Variants in SORT1 observed in about 807,000 individuals in gnomAD.
SORT1 encodes the protein sortilin 1, also known as sortilin.
In SORT1, 39 loss-of-function variants were observed where a neutral mutation model predicts 101.7. That is an observed-to-expected ratio of 0.38 (90% confidence interval 0.30 to 0.50). The LOEUF (loss-of-function observed/expected upper bound fraction) is 0.50. Among genes scored for constraint, SORT1 ranks in the 20% least tolerant of loss-of-function variants. SORT1 has a pLI of 0.90. For missense variants in SORT1, 878 were observed against 1,040.4 expected (o/e 0.84, Z 2.15); for synonymous variants, 396 against 393.7 (o/e 1.01, Z -0.07).
intron 15 of SORT1, among the ~76,000 whole-genome samples, chr1:109,321,308 C>A (rs1647608989): frequency 6.6e-6 from 1 of 151,976 alleles, no homozygotes; most frequent in African/African-American, 2.4e-5. Context: ...GTATGAAAGG[C>A]TAAGTGGGAA....
chr1:109,390,782 TGTGTGTGTGTGTGTGTGC>T (rs1652862299), intron 1 of SORT1, among the ~76,000 whole-genome samples: 9 of 138,356 alleles, frequency 6.5e-5, no homozygotes, highest in African/African-American at 1.5e-4. Context: ...TGTGTGTGTG[TGTGTGTGTGTGTGTGTGC>T]GCGCGCGCGT....
chr1:109,376,272 A>G (rs1313676334), intron 1 of SORT1, among the ~76,000 whole-genome samples: 3 of 148,682 alleles, frequency 2.0e-5, no homozygotes, highest in Admixed American at 6.8e-5. Flanking sequence ...CGGAGCTTGC[A>G]GTGAGCCGTG....
intron 3 of SORT1, among the ~76,000 whole-genome samples, chr1:109,362,643 A>G (rs759735570): frequency 6.6e-6 from 1 of 152,188 alleles, no homozygotes; most frequent in Non-Finnish European, 1.5e-5. Flanking sequence ...AGAGAGTAAG[A>G]TATTGTAAAT....
intron 3 of SORT1, among the ~76,000 whole-genome samples, chr1:109,364,233 G>C (rs1320315420): frequency 6.6e-6 from 1 of 152,176 alleles, no homozygotes; most frequent in Non-Finnish European, 1.5e-5. Flanking sequence ...CTGAAAAAAG[G>C]CTGAGTCTGA....
At chr1:109,371,880 T>A (rs1651502872) in intron 1 of SORT1, among the ~76,000 whole-genome samples, 1 of 152,208 alleles carries the variant, frequency 6.6e-6, no homozygotes, top group African/African-American at 2.4e-5. Context: ...GCAAACTCAC[T>A]GAAAAACTCA....
At chr1:109,327,472 G>T in intron 12 of SORT1, 27 bp downstream of exon 12, 1 of 1,388,540 alleles carries the variant, frequency 7.2e-7, no homozygotes, top group Non-Finnish European at 1.0e-6. Flanking sequence ...TGTTCCAGTT[G>T]GAGGTGGTGA....
chr1:109,355,653 C>CCCCCCCCA (rs1650267276), intron 3 of SORT1, among the ~76,000 whole-genome samples, 184 bp from the exon 4 acceptor site: 1 of 139,150 alleles, frequency 7.2e-6, no homozygotes, highest in Admixed American at 7.3e-5. Flanking sequence ...CCGCCCCCCC[C>CCCCCCCCA]CCCACAAACC....
At position 109,314,726 on chromosome 1, in the gene SORT1, A is replaced by G; in HGVS notation, c.2303T>C (p.Leu768Pro). 6.2e-7 allele frequency: 1 copy of G among 1,612,488 alleles called. No homozygotes were observed. The highest frequency in any genetic ancestry group is 8.5e-7 in the Non-Finnish European group (1 of 1,178,490). The stretch of plus-strand genomic sequence containing the variant: ...GAGCACTCCTGCTACGACTGTGACC[A>G]GCATCAATCCCACGATGGCCAGGAT... The part of the protein sequence containing the change: ...PIILAIVGLM[L>P]VTVVAGVLIV... Residue 768 changes from leucine to proline, a missense_variant, in exon 18 of 20, where the codon CTG becomes CCG. Around this residue, in one of 2 missense-constraint regions of SORT1, gnomAD observed 684 missense variants for 894.5 expected, o/e 0.76. Transcript: ENST00000256637.
intron 13 of SORT1, chr1:109,326,748 G>A (rs192496108): frequency 5.4e-5 from 17 of 317,224 alleles, no homozygotes; most frequent in Middle Eastern, 8.8e-4. Context: ...GAGCCACTGC[G>A]CCCAACCCAG....
Position 109,327,128 on chromosome 1 carries a change from G to C in SORT1, c.1507C>G (p.Pro503Ala). The C allele has an allele frequency of 6.2e-7, 1 of 1,613,562 alleles. No individual in the cohort carries two copies. The highest frequency in any genetic ancestry group is 1.3e-5 in the African/African-American group (1 of 74,982). The change falls in exon 13 of 20, where the codon CCA becomes GCA. Residue 503 changes from proline (P) to alanine (A), a missense_variant. Physicochemically the swap from Pro to Ala is conservative, Grantham distance 27. Transcript: ENST00000256637. ...CCATCATCTGAGATGTACACATCTG[G>C]AACCATCACTGAGATGGCATCCCCC... ...SVGDAISVMV[P>A]DVYISDDGGY...
Position 109,397,894 on chromosome 1 carries a change from G to A in SORT1, c.-2C>T, listed in dbSNP as rs1205287880. On this transcript the variant is annotated 5_prime_UTR_variant, in exon 1 of 20. Transcript: ENST00000256637. Reference sequence around the variant, plus strand: ...CGCAGCTCCCCAGGGCCGCTCCATCGCCGCCGAATGCCGCCGACGCCGACA... The same window carrying A: ...CGCAGCTCCCCAGGGCCGCTCCATCACCGCCGAATGCCGCCGACGCCGACA... The A allele has an allele frequency of 2.6e-6, 3 of 1,152,302 alleles. No homozygotes were observed. The highest frequency in any genetic ancestry group is 3.9e-5 in the South Asian group (1 of 25,434). The allele number at this position is 1,152,302 out of a possible 1,614,324, so 71.4% of individuals were successfully genotyped here.
At chr1:109,364,906 T>C (rs1458644933) in intron 3 of SORT1, among the ~76,000 whole-genome samples, 1 of 152,140 alleles carries the variant, frequency 6.6e-6, no homozygotes, top group Non-Finnish European at 1.5e-5. Flanking sequence ...CTTTTACAGA[T>C]GACAAAAAAG....
At chr1:109,372,996 A>T (rs1011898974) in intron 1 of SORT1, among the ~76,000 whole-genome samples, 1 of 151,744 alleles carries the variant, frequency 6.6e-6, no homozygotes, top group Non-Finnish European at 1.5e-5. Context: ...CGGAGGCTGC[A>T]GTGAGGCAAG....
intron 1 of SORT1, among the ~76,000 whole-genome samples, chr1:109,375,169 C>T (rs202003418): frequency 6.6e-6 from 1 of 152,140 alleles, no homozygotes; most frequent in Non-Finnish European, 1.5e-5. Flanking sequence ...TACAGCTCAG[C>T]GATGGCTCTG....
chr1:109,355,320 C>A, intron 4 of SORT1, 47 bp downstream of exon 4: 2 of 908,554 alleles, frequency 2.2e-6, no homozygotes, highest in Non-Finnish European at 3.7e-6. Flanking sequence ...GACAGCTCTG[C>A]ATGTGGTATC....
chr1:109,319,181 T>C (rs562448827), intron 15 of SORT1, among the ~76,000 whole-genome samples: 7 of 152,340 alleles, frequency 4.6e-5, no homozygotes, highest in African/African-American at 1.7e-4. Flanking sequence ...GCTTCTTAGA[T>C]AGTCTTTGCC....
intron 1 of SORT1, among the ~76,000 whole-genome samples, chr1:109,380,615 A>G (rs994373329): frequency 4.6e-5 from 7 of 152,012 alleles, no homozygotes; most frequent in African/African-American, 1.7e-4. Flanking sequence ...GGGAAAGAAC[A>G]TGAGCACCCA....
intron 17 of SORT1, 65 bp from the exon 18 acceptor site, chr1:109,314,843 C>A: frequency 2.4e-6 from 2 of 828,846 alleles, no homozygotes. Flanking sequence ...GAGGTCAAGG[C>A]AGCCACTCAT....
intron 15 of SORT1, among the ~76,000 whole-genome samples, chr1:109,320,880 C>T (rs1476272213): frequency 1.3e-5 from 2 of 152,106 alleles, no homozygotes; most frequent in East Asian, 3.9e-4. Flanking sequence ...CCTCAAATAA[C>T]AGGAGGAAAT....
Sources: allele counts gnomAD v4.1 joint callset (sites outside exome capture counted in the v4.1 genomes callset), GRCh38; gene constraint gnomAD v4.1.1; regional missense constraint gnomAD v4.1.1; transcripts MANE v1.5; gene names NCBI Gene and HGNC (gene_info 2026-07-23, HGNC 2026-07-21).